The following RBFOX1 variants were observed in gnomAD, a reference collection of about 807,000 sequenced individuals.
RBFOX1 encodes the protein RNA binding fox-1 homolog 1.
A neutral mutation model predicts 57.7 loss-of-function variants in RBFOX1; 8 were observed. The ratio of observed to expected loss-of-function variants is 0.14; its 90% CI spans 0.08 to 0.25. RBFOX1 has a LOEUF of 0.25. Ranked by LOEUF, RBFOX1 falls within the 10% of genes least tolerant of loss-of-function variation. The probability of loss-of-function intolerance (pLI) is 1.00; values close to 1 mark genes in which losing one functional copy is unlikely to be tolerated. For missense variants in RBFOX1, 611 were observed against 548.5 expected (o/e 1.11, Z -1.14); for synonymous variants, 326 against 222.4 (o/e 1.47, Z -4.15).
intron 4 of RBFOX1, among the ~76,000 whole-genome samples, chr16:5,938,229 T>G (rs2059206461): frequency 6.6e-6 from 1 of 152,154 alleles, no homozygotes; most frequent in Non-Finnish European, 1.5e-5. Context: ...TATATAGCTT[T>G]CAGGTTTGTA....
intron 4 of RBFOX1, among the ~76,000 whole-genome samples, chr16:7,348,169 A>G (rs1439424024): frequency 6.6e-6 from 1 of 152,226 alleles, no homozygotes; most frequent in African/African-American, 2.4e-5. Flanking sequence ...AAAAGCACAA[A>G]CAAACATACA....
intron 4 of RBFOX1, among the ~76,000 whole-genome samples, chr16:7,103,534 A>G (rs1386820865): frequency 6.6e-6 from 1 of 152,194 alleles, no homozygotes; most frequent in Admixed American, 6.5e-5. Flanking sequence ...GATCAGTGAC[A>G]AAAGCTGTGT....
intron 3 of RBFOX1, among the ~76,000 whole-genome samples, chr16:5,658,823 TG>T (rs547410140): frequency 3.9e-4 from 56 of 143,956 alleles, no homozygotes; most frequent in African/African-American, 8.7e-4. Context: ...ATATAATATA[TG>T]TATATATGTA....
chr16:6,912,541 G>C (rs1032409552), intron 3 of RBFOX1, among the ~76,000 whole-genome samples: 1 of 151,886 alleles, frequency 6.6e-6, no homozygotes, highest in African/African-American at 2.4e-5. Flanking sequence ...TGAGATTTAG[G>C]TTTAAATTCT....
chr16:5,633,496 A>C (rs929098370), intron 3 of RBFOX1, among the ~76,000 whole-genome samples: 1 of 152,202 alleles, frequency 6.6e-6, no homozygotes, highest in Admixed American at 6.5e-5. Context: ...AAATATTCAC[A>C]AACTGTGTAT....
At chr16:7,089,116 G>T (rs62014112) in intron 4 of RBFOX1, among the ~76,000 whole-genome samples, 2 of 152,180 alleles carry the variant, frequency 1.3e-5, no homozygotes, top group East Asian at 3.9e-4. Context: ...CCTTTGTAGC[G>T]ACTTTAGCTC....
chr16:5,492,342 G>A (rs906894118), intron 2 of RBFOX1, among the ~76,000 whole-genome samples: 10 of 152,108 alleles, frequency 6.6e-5, no homozygotes, highest in Non-Finnish European at 1.0e-4. Context: ...CTTCCTGCAC[G>A]CCAGGTCCTG....
chr16:7,022,128 T>C (rs888199530), intron 3 of RBFOX1, among the ~76,000 whole-genome samples: 1 of 143,214 alleles, frequency 7.0e-6, no homozygotes, highest in African/African-American at 2.6e-5. Flanking sequence ...GGTGGAGCAA[T>C]CTCCACTCAC....
intron 3 of RBFOX1, among the ~76,000 whole-genome samples, chr16:6,892,630 A>C (rs900366727): frequency 6.6e-6 from 1 of 152,192 alleles, no homozygotes; most frequent in East Asian, 1.9e-4. Flanking sequence ...AGATTGCACC[A>C]CTGTACTCCA....
At chr16:6,522,062 C>A (rs74559809) in intron 2 of RBFOX1, among the ~76,000 whole-genome samples, 4,234 of 152,024 alleles carry the variant, frequency 0.028, 153 homozygotes, top group African/African-American at 0.086. Flanking sequence ...AGAGTAAAAA[C>A]GTCCTTGCAT....
At chr16:5,719,174 G>A (rs974848257) in intron 3 of RBFOX1, among the ~76,000 whole-genome samples, 3 of 151,340 alleles carry the variant, frequency 2.0e-5, no homozygotes, top group African/African-American at 7.3e-5. Context: ...GGAGTTGGAA[G>A]GCTGCCACCC....
rs768515498 is a variant in RBFOX1, at chr16:6,665,499, C to T, written c.-16+10849C>T. 7.2e-5 allele frequency among the ~76,000 whole-genome samples: 11 copies of T among 151,920 alleles called. No individual in the cohort carries two copies. In the South Asian group the frequency reaches 1.5e-3, roughly 20 times the overall value. ...TATTAGCCAGGCATAGTGACAGGCACCTGTAATCGCAGCTACTTGGGAGGC... is the reference window on the plus strand; with the variant it reads ...TATTAGCCAGGCATAGTGACAGGCATCTGTAATCGCAGCTACTTGGGAGGC... On this transcript the variant is annotated intron_variant, in intron 3 of 15. Transcript: ENST00000550418.
chr16:6,053,978 C>A (rs1596744096), intron 1 of RBFOX1, among the ~76,000 whole-genome samples: 1 of 152,056 alleles, frequency 6.6e-6, no homozygotes, highest in Non-Finnish European at 1.5e-5. Context: ...ATCGCTTGAG[C>A]CCAGGAGGTT....
At chr16:6,413,769 A>G (rs2093541436) in intron 2 of RBFOX1, among the ~76,000 whole-genome samples, 1 of 152,144 alleles carries the variant, frequency 6.6e-6, no homozygotes, top group Non-Finnish European at 1.5e-5. Flanking sequence ...AGAATCAGGT[A>G]TTTCTCAGTC....
At position 6,942,189 on chromosome 16, in the gene RBFOX1, A is replaced by G. The variant is rs547912572; in HGVS notation, c.-15-109868A>G. Among the ~76,000 whole-genome samples the G allele has an allele frequency of 1.9e-3, 287 of 152,290 alleles. 2 individuals carry two copies. The highest frequency in any genetic ancestry group is 3.8e-3 in the Non-Finnish European group (259 of 68,028). On this transcript the variant is annotated intron_variant, in intron 3 of 15. Coordinates refer to ENST00000550418, the MANE Select transcript of RBFOX1 (RefSeq NM_018723.4). ...GGGAGATGGAGGTTGCAGTGAGCCA[A>G]GATGGCACCACTGTGCTCCAACCTG...
intron 3 of RBFOX1, among the ~76,000 whole-genome samples, chr16:6,849,600 C>T (rs752534761): frequency 1.1e-4 from 16 of 152,078 alleles, no homozygotes; most frequent in African/African-American, 2.9e-4. Flanking sequence ...ATGCAGGAGG[C>T]GGAGGTTTCA....
intron 3 of RBFOX1, among the ~76,000 whole-genome samples, chr16:6,784,186 T>C (rs1307306308): frequency 3.3e-5 from 5 of 152,108 alleles, no homozygotes; most frequent in African/African-American, 4.8e-5. Context: ...TGTCTGTTAT[T>C]TTTTTGAATA....
intron 3 of RBFOX1, among the ~76,000 whole-genome samples, chr16:5,666,722 T>C (rs2049856785): frequency 6.6e-6 from 1 of 152,202 alleles, no homozygotes; most frequent in Non-Finnish European, 1.5e-5. Context: ...CCATCTGTTT[T>C]TTCTAGGTAG....
At chr16:7,597,481 TTAAG>T in intron 9 of RBFOX1, 50 bp downstream of exon 9, 1 of 1,455,080 alleles carries the variant, frequency 6.9e-7, no homozygotes, top group Non-Finnish European at 9.5e-7. Flanking sequence ...TTCTGACTCT[TTAAG>T]TAATTTAACC....
Sources: allele counts gnomAD v4.1 joint callset (sites outside exome capture counted in the v4.1 genomes callset), GRCh38; gene constraint gnomAD v4.1.1; transcripts MANE v1.5; gene names NCBI Gene and HGNC (gene_info 2026-07-23, HGNC 2026-07-21).